RAPGEF4: variants seen among roughly 807,000 people sequenced by gnomAD.
The protein encoded by RAPGEF4 is Rap guanine nucleotide exchange factor 4.
In RAPGEF4, 66 loss-of-function variants were observed where a neutral mutation model predicts 147.9. That is an observed-to-expected ratio of 0.45 (90% confidence interval 0.37 to 0.55). The LOEUF is 0.55. RAPGEF4 is among the 20% of genes least tolerant of loss of function. The pLI is 0.00. For missense variants in RAPGEF4, 1,071 were observed against 1,257.3 expected, an observed-to-expected ratio of 0.85 and a Z score of 2.24; for synonymous variants, 419 against 442.7, an observed-to-expected ratio of 0.95 and a Z score of 0.67.
At chr2:173,005,377 G>A (rs1292104530) in intron 17 of RAPGEF4, among the ~76,000 whole-genome samples, 1 of 152,058 alleles carries the variant, frequency 6.6e-6, no homozygotes, top group Non-Finnish European at 1.5e-5. Flanking sequence ...TCACAACGAA[G>A]TCAATACTAT....
chr2:173,016,107 A>G (rs1315573697), intron 18 of RAPGEF4, among the ~76,000 whole-genome samples: 2 of 152,122 alleles, frequency 1.3e-5, no homozygotes, highest in African/African-American at 4.8e-5. Flanking sequence ...AGTGGCATTC[A>G]TTTCATTTCT....
intron 17 of RAPGEF4, among the ~76,000 whole-genome samples, chr2:173,001,743 G>C (rs1253774391): frequency 6.6e-6 from 1 of 152,006 alleles, no homozygotes; most frequent in Non-Finnish European, 1.5e-5. Flanking sequence ...AGGTGAAGGG[G>C]GAGCAGGAGC....
chr2:172,996,377 T>TAAA, intron 15 of RAPGEF4, 89 bp from the exon 16 acceptor site: 107 of 575,814 alleles, frequency 1.9e-4, no homozygotes, highest in Middle Eastern at 5.1e-4. Context: ...GATCTCAAAT[T>TAAA]AAAAAAAAAA....
At chr2:172,923,290 A>G (rs527485166) in intron 6 of RAPGEF4, among the ~76,000 whole-genome samples, 32 of 152,132 alleles carry the variant, frequency 2.1e-4, no homozygotes, top group African/African-American at 6.3e-4. Flanking sequence ...TTTTTTTGTG[A>G]TGGAGTCTCA....
chr2:172,838,711 G>T (rs928602296), intron 4 of RAPGEF4, among the ~76,000 whole-genome samples: 4 of 152,032 alleles, frequency 2.6e-5, no homozygotes, highest in Admixed American at 6.5e-5. Flanking sequence ...AAGATATTGT[G>T]TACCCCAAAT....
chr2:173,045,113 C>T (rs545842888), intron 29 of RAPGEF4, among the ~76,000 whole-genome samples: 5 of 152,236 alleles, frequency 3.3e-5, no homozygotes, highest in Non-Finnish European at 5.9e-5. Flanking sequence ...AGCTGTCTAC[C>T]GTCAAAAATA....
At chr2:172,982,944 T>A (rs1358801640) in intron 10 of RAPGEF4, among the ~76,000 whole-genome samples, 2 of 152,166 alleles carry the variant, frequency 1.3e-5, no homozygotes, top group Non-Finnish European at 2.9e-5. Flanking sequence ...CCTTATCTCC[T>A]CAGGGCTAGA....
At chr2:172,879,604 CA>C (rs1467780786) in intron 4 of RAPGEF4, among the ~76,000 whole-genome samples, 1 of 152,062 alleles carries the variant, frequency 6.6e-6, no homozygotes, top group African/African-American at 2.4e-5. Flanking sequence ...AGTTTGATAC[CA>C]GCTTGGGCAA....
intron 6 of RAPGEF4, among the ~76,000 whole-genome samples, chr2:172,936,587 A>G (rs1347193554): frequency 6.7e-6 from 1 of 149,154 alleles, no homozygotes; most frequent in Non-Finnish European, 1.5e-5. Context: ...ATACATTTTT[A>G]TTGTTTTTTT....
chr2:172,891,804 A>T (rs1335578304), intron 4 of RAPGEF4, among the ~76,000 whole-genome samples: 2 of 152,270 alleles, frequency 1.3e-5, no homozygotes, highest in African/African-American at 4.8e-5. Context: ...GCTTTCAAGT[A>T]TAAATACAAA....
intron 4 of RAPGEF4, among the ~76,000 whole-genome samples, chr2:172,824,192 A>G (rs1689416943): frequency 6.6e-6 from 1 of 152,244 alleles, no homozygotes; most frequent in South Asian, 2.1e-4. Context: ...TGTAGTTCTT[A>G]AAACTGGTTT....
intron 21 of RAPGEF4, 84 bp downstream of exon 21, chr2:173,017,588 T>G (rs1695625437): frequency 7.5e-7 from 1 of 1,331,028 alleles, no homozygotes; most frequent in Admixed American, 2.0e-5. Flanking sequence ...ACCCACAGAA[T>G]AGCTTCTTTT....
chr2:173,042,903 T>A lies in RAPGEF4; in HGVS notation c.2854-5697T>A, dbSNP rs1684944902. On this transcript the variant is annotated intron_variant, in intron 29 of 30. Transcript: ENST00000397081. This position sits in a 1 kb window ranked among gnomAD's most constrained non-coding sequence, Gnocchi z 4.2. ...GTAAGCATCATGCATGTGTTACACA[T>A]GCGTATCTGCATGTCATACACCTCT... Among the ~76,000 whole-genome samples the A allele has an allele frequency of 6.6e-6, 1 of 152,226 alleles. No homozygotes were observed. The highest frequency in any genetic ancestry group is 2.4e-5 in the African/African-American group (1 of 41,454).
chr2:172,839,873 G>A (rs573964030), intron 4 of RAPGEF4, among the ~76,000 whole-genome samples: 13 of 152,262 alleles, frequency 8.5e-5, no homozygotes, highest in African/African-American at 2.2e-4. Flanking sequence ...TTGGGCGTAC[G>A]GAGGTACTAA....
intron 4 of RAPGEF4, among the ~76,000 whole-genome samples, chr2:172,826,943 T>C (rs143693612): frequency 5.3e-4 from 81 of 151,864 alleles, no homozygotes; most frequent in African/African-American, 1.9e-3. Context: ...CCAGCCTGGG[T>C]GACAGAGCAA....
intron 4 of RAPGEF4, among the ~76,000 whole-genome samples, chr2:172,859,664 A>G (rs1000256558): frequency 6.6e-6 from 1 of 152,176 alleles, no homozygotes; most frequent in Non-Finnish European, 1.5e-5. Flanking sequence ...AAAGGAAGAG[A>G]TTTCTCAGAA....
chr2:172,821,752 A>AG, intron 4 of RAPGEF4: 1 of 1,111,028 alleles, frequency 9.0e-7, no homozygotes, highest in Non-Finnish European at 1.1e-6. Context: ...AAAAAAAAAA[A>AG]AAAAAAAAAG....
At chr2:172,744,205 A>G (rs932568564) in intron 1 of RAPGEF4, 1 of 265,384 alleles carries the variant, frequency 3.8e-6, no homozygotes, top group Non-Finnish European at 7.5e-6. Context: ...CTTTTATTTC[A>G]GGGCCTTAGC....
intron 17 of RAPGEF4, among the ~76,000 whole-genome samples, chr2:173,005,153 G>A (rs1330504242): frequency 6.6e-6 from 1 of 151,654 alleles, no homozygotes; most frequent in Non-Finnish European, 1.5e-5. Context: ...ACAATGGAGT[G>A]AATCAGCATC....
Sources: allele counts gnomAD v4.1 joint callset (sites outside exome capture counted in the v4.1 genomes callset), GRCh38; gene constraint gnomAD v4.1.1; non-coding constraint Gnocchi (gnomAD v3.1); transcripts MANE v1.5; gene names NCBI Gene and HGNC (gene_info 2026-07-23, HGNC 2026-07-21).